KIAA2012: variants seen among roughly 807,000 people sequenced by gnomAD.
KIAA2012 encodes the protein KIAA2012.
A neutral mutation model predicts 150.6 loss-of-function variants in KIAA2012; 125 were observed. The ratio of observed to expected loss-of-function variants is 0.83; its 90% CI spans 0.72 to 0.96. The LOEUF (loss-of-function observed/expected upper bound fraction) is 0.96. KIAA2012 is among the 40% of genes least tolerant of loss of function. The pLI is 0.00. For synonymous variants in KIAA2012, 462 were observed against 504.7 expected (o/e 0.92, Z 1.13); for missense variants, 1,219 against 1,354.9 (o/e 0.90, Z 1.57).
At chr2:202,099,851 T>C in intron 6 of KIAA2012, 55 bp downstream of exon 6, 1 of 1,421,404 alleles carries the variant, frequency 7.0e-7, no homozygotes, top group Admixed American at 2.4e-5. Flanking sequence ...CATGCAGAGT[T>C]CATTTAAGGA....
chr2:202,135,135 T>C (rs549048481), intron 12 of KIAA2012, among the ~76,000 whole-genome samples: 2 of 152,362 alleles, frequency 1.3e-5, no homozygotes, highest in South Asian at 4.1e-4. Flanking sequence ...TGTGGTTAGA[T>C]TAATGCTAGC....
At chr2:202,090,543 A>G (rs187001371) in intron 2 of KIAA2012, among the ~76,000 whole-genome samples, 71 of 152,342 alleles carry the variant, frequency 4.7e-4, no homozygotes, top group Middle Eastern at 3.4e-3. Flanking sequence ...GATCTGGTAT[A>G]TGTCATTTCT....
intron 13 of KIAA2012, among the ~76,000 whole-genome samples, chr2:202,148,520 C>T (rs990548424): frequency 3.3e-5 from 5 of 152,174 alleles, no homozygotes; most frequent in Non-Finnish European, 7.3e-5. Flanking sequence ...GCACCAAATT[C>T]CCTGCAGAAT....
chr2:202,159,283 T>C (rs1248452220), intron 14 of KIAA2012, among the ~76,000 whole-genome samples: 1 of 152,002 alleles, frequency 6.6e-6, no homozygotes, highest in East Asian at 1.9e-4. Flanking sequence ...GGCAGGAAAG[T>C]TGTAGAGGGA....
chr2:202,092,840 A>G (rs923492423), intron 3 of KIAA2012, among the ~76,000 whole-genome samples, 190 bp from the exon 4 acceptor site: 1 of 152,168 alleles, frequency 6.6e-6, no homozygotes, highest in Non-Finnish European at 1.5e-5. Context: ...AGAAGCACCC[A>G]AGACACTAGA....
At chr2:202,091,089 C>G (rs769695976) in intron 3 of KIAA2012, among the ~76,000 whole-genome samples, 160 bp downstream of exon 3, 1 of 152,228 alleles carries the variant, frequency 6.6e-6, no homozygotes. Flanking sequence ...GCCCCTTTCA[C>G]GGCTCCCGTC....
chr2:202,189,154 T>C (rs1278666260), intron 18 of KIAA2012, among the ~76,000 whole-genome samples: 1 of 152,148 alleles, frequency 6.6e-6, no homozygotes, highest in Non-Finnish European at 1.5e-5. Context: ...GAAGGGTCCT[T>C]AGAGTACGGA....
At chr2:202,175,200 AACATGTTTCTCTGTCTTCC>A (rs1332411644) in intron 15 of KIAA2012, among the ~76,000 whole-genome samples, 1 of 152,140 alleles carries the variant, frequency 6.6e-6, no homozygotes, top group Non-Finnish European at 1.5e-5. Context: ...AGTGTAGTTT[AACATGTTTCTCTGTCTTCC>A]ACATGTCCTG....
chr2:202,193,505 T>G lies in KIAA2012; in HGVS notation c.3014+2T>G. ...GCAGAGACGTACAGAAGAGATCCGG[T>G]AGGTTGGGCAAGCCAAAGAGACTAC... On this transcript the variant is annotated splice_donor_variant, in intron 20 of 23. Transcript: ENST00000498697. LOFTEE classifies it high-confidence loss of function. The G allele has an allele frequency of 1.9e-6, 3 of 1,549,674 alleles. No homozygotes were observed. The highest frequency in any genetic ancestry group is 2.6e-6 in the Non-Finnish European group (3 of 1,146,822).
chr2:202,192,475 T>TA (rs71025285), intron 19 of KIAA2012, among the ~76,000 whole-genome samples: 3 of 150,256 alleles, frequency 2.0e-5, no homozygotes, highest in Non-Finnish European at 4.4e-5. Flanking sequence ...TTTTTTTTTT[T>TA]AGAGGGAGCT....
intron 13 of KIAA2012, 81 bp downstream of exon 13, chr2:202,138,589 A>C: frequency 1.0e-6 from 1 of 1,003,348 alleles, no homozygotes; most frequent in Non-Finnish European, 1.5e-6. Context: ...TGTGCCCCTC[A>C]GTGAGACTCT....
At chr2:202,107,244 T>A (rs367744187) in intron 9 of KIAA2012, among the ~76,000 whole-genome samples, 62 of 151,478 alleles carry the variant, frequency 4.1e-4, no homozygotes, top group East Asian at 9.7e-4. Flanking sequence ...AAAAAAAAAA[T>A]AAAAAAAGAA....
At chr2:202,086,048 A>C (rs1034812736) in intron 2 of KIAA2012, among the ~76,000 whole-genome samples, 1 of 151,758 alleles carries the variant, frequency 6.6e-6, no homozygotes, top group Non-Finnish European at 1.5e-5. Context: ...GGTATCTGTA[A>C]TCCCAGCTAC....
At chr2:202,178,381 G>C (rs1692040715) in intron 15 of KIAA2012, among the ~76,000 whole-genome samples, 1 of 151,988 alleles carries the variant, frequency 6.6e-6, no homozygotes, top group Non-Finnish European at 1.5e-5. Flanking sequence ...GACTTCGTTT[G>C]TTCCAATACT....
intron 14 of KIAA2012, among the ~76,000 whole-genome samples, chr2:202,161,898 T>G (rs1204951749): frequency 6.6e-6 from 1 of 152,144 alleles, no homozygotes; most frequent in Non-Finnish European, 1.5e-5. Context: ...AACTGGGATT[T>G]GAATTTACAG....
Position 202,109,892 on chromosome 2 carries a change from A to G in KIAA2012, c.1651+103A>G, listed in dbSNP as rs145764533. The G allele has an allele frequency of 4.7e-5, 49 of 1,034,524 alleles. No homozygotes were observed. The East Asian group carries it at 6.9e-4, about 15-fold the overall frequency. The allele number at this position is 1,034,524 out of a possible 1,614,324, so 64.1% of individuals were successfully genotyped here. A position where few individuals can be genotyped will look rare whatever the true frequency, so the allele number is the denominator to read the frequency against. ...ATGTAAGTTTTCTGAAAGGCATTCCATTGAAAAGGGGTAATTGACACTGTT... is the reference window on the plus strand; with the variant it reads ...ATGTAAGTTTTCTGAAAGGCATTCCGTTGAAAAGGGGTAATTGACACTGTT... On this transcript the variant is annotated intron_variant, in intron 10 of 23. Coordinates refer to ENST00000498697, the MANE Select transcript of KIAA2012 (RefSeq NM_001277372.4).
intron 15 of KIAA2012, among the ~76,000 whole-genome samples, chr2:202,170,724 A>G (rs1375404564): frequency 6.6e-6 from 1 of 152,212 alleles, no homozygotes; most frequent in African/African-American, 2.4e-5. Context: ...GGCTTCCTGT[A>G]GGAGGTAATG....
At chr2:202,166,172 A>G (rs1416292420) in intron 15 of KIAA2012, among the ~76,000 whole-genome samples, 1 of 152,270 alleles carries the variant, frequency 6.6e-6, no homozygotes, top group Non-Finnish European at 1.5e-5. Flanking sequence ...TCATGACGGA[A>G]GAGCAGGCAC....
chr2:202,078,411 C>T (rs1408154241), intron 2 of KIAA2012, among the ~76,000 whole-genome samples: 1 of 152,200 alleles, frequency 6.6e-6, no homozygotes, highest in African/African-American at 2.4e-5. Flanking sequence ...ATCTCAGCCT[C>T]CCCAGTAGCT....
Sources: allele counts gnomAD v4.1 joint callset (sites outside exome capture counted in the v4.1 genomes callset), GRCh38; gene constraint gnomAD v4.1.1; transcripts MANE v1.5; gene names NCBI Gene and HGNC (gene_info 2026-07-23, HGNC 2026-07-21).